The following GABRG3 variants were observed in gnomAD, a reference collection of about 807,000 sequenced individuals.
GABRG3 encodes gamma-aminobutyric acid receptor subunit gamma-3.
GABRG3 carries 25 observed loss-of-function variants against 48.8 expected under a neutral mutation model. The observed-to-expected ratio is 0.51, with a 90% confidence interval of 0.37 to 0.72. The LOEUF is 0.72. GABRG3 is among the 30% of genes least tolerant of loss of function. The probability of loss-of-function intolerance (pLI) is 0.00; values close to 1 mark genes in which losing one functional copy is unlikely to be tolerated. For synonymous variants in GABRG3, 227 were observed against 217.6 expected (o/e 1.04, Z -0.38); for missense variants, 394 against 577.9 (o/e 0.68, Z 3.26).
intron 3 of GABRG3, among the ~76,000 whole-genome samples, chr15:27,133,099 T>G (rs544940635): frequency 6.6e-6 from 1 of 152,134 alleles, no homozygotes; most frequent in African/African-American, 2.4e-5. Context: ...TTTCCACATA[T>G]TTGTGATTTT....
At position 27,160,838 on chromosome 15, in the gene GABRG3, C is replaced by T. The variant is rs541229323; in HGVS notation, c.270+134017C>T. Among the ~76,000 whole-genome samples, 9 of 152,190 alleles carry T rather than the reference C, an allele frequency of 5.9e-5. 1 individual carries two copies. Among genetic ancestry groups the T allele is most frequent in the African/African-American group, 2.2e-4 (9 of 41,522 alleles). ...CTGGTTGGAAGTTCTCTATGGGCCT[C>T]ATATTAGGATGAAAACTGGGAATTT... On this transcript the variant is annotated intron_variant, in intron 3 of 9. Coordinates refer to ENST00000615808, the MANE Select transcript of GABRG3 (RefSeq NM_033223.5).
intron 3 of GABRG3, among the ~76,000 whole-genome samples, chr15:27,309,027 A>G (rs940257114): frequency 2.0e-5 from 3 of 150,282 alleles, no homozygotes; most frequent in Admixed American, 2.0e-4. Context: ...TTATATAGAA[A>G]CATAATGTAA....
intron 3 of GABRG3, among the ~76,000 whole-genome samples, chr15:27,156,733 A>C (rs954231660): frequency 1.6e-4 from 24 of 152,216 alleles, no homozygotes; most frequent in Admixed American, 5.9e-4. Flanking sequence ...TTTTGGTTGA[A>C]GATGAATTTG....
intron 5 of GABRG3, among the ~76,000 whole-genome samples, chr15:27,434,689 C>G (rs1298356842): frequency 2.0e-5 from 3 of 152,180 alleles, no homozygotes; most frequent in Non-Finnish European, 2.9e-5. Context: ...GCCGGTGCCA[C>G]TGGCCATTGA....
chr15:27,069,238 T>C (rs1037589759), intron 3 of GABRG3, among the ~76,000 whole-genome samples: 2 of 152,174 alleles, frequency 1.3e-5, no homozygotes, highest in African/African-American at 4.8e-5. Flanking sequence ...GTTTTATATT[T>C]GTGAATTTTC....
At chr15:27,514,327 G>A (rs976945215) in intron 6 of GABRG3, among the ~76,000 whole-genome samples, 12 of 152,104 alleles carry the variant, frequency 7.9e-5, no homozygotes, top group African/African-American at 2.9e-4. Flanking sequence ...CTTTGTTTAG[G>A]CTCTTAGGGC....
intron 2 of GABRG3, among the ~76,000 whole-genome samples, chr15:27,025,759 AT>A (rs1192280210): frequency 6.6e-6 from 1 of 152,240 alleles, no homozygotes; most frequent in African/African-American, 2.4e-5. Flanking sequence ...AAGGAAGCAC[AT>A]TCACATAATT....
chr15:27,088,309 G>A (rs1378100754), intron 3 of GABRG3, among the ~76,000 whole-genome samples: 1 of 151,034 alleles, frequency 6.6e-6, no homozygotes, highest in Non-Finnish European at 1.5e-5. Flanking sequence ...GGTGGCTAAA[G>A]GTGGGGTCCT....
At chr15:27,381,319 G>A (rs990953550) in intron 5 of GABRG3, among the ~76,000 whole-genome samples, 1 of 152,186 alleles carries the variant, frequency 6.6e-6, no homozygotes, top group African/African-American at 2.4e-5. Context: ...ATTTCAGAAT[G>A]GTTTCTTATT....
Position 27,427,732 on chromosome 15 carries a change from A to G in GABRG3, c.575-52918A>G, listed in dbSNP as rs533449715. Among the ~76,000 whole-genome samples, 3 of 152,328 alleles carry G rather than the reference A, an allele frequency of 2.0e-5. No homozygotes were observed. The South Asian group carries it at 6.2e-4, about 32-fold the overall frequency. On this transcript the variant is annotated intron_variant, in intron 5 of 9. Coordinates refer to ENST00000615808, the MANE Select transcript of GABRG3 (RefSeq NM_033223.5). Reference sequence around the variant, plus strand: ...TGCAGAACAAATTGGAATCAAGCACAGGGATTAAGTAGTTCATTTTTTTCT... The same window carrying G: ...TGCAGAACAAATTGGAATCAAGCACGGGGATTAAGTAGTTCATTTTTTTCT...
At chr15:27,469,287 A>T (rs1265067232) in intron 5 of GABRG3, among the ~76,000 whole-genome samples, 1 of 152,196 alleles carries the variant, frequency 6.6e-6, no homozygotes, top group African/African-American at 2.4e-5. Context: ...GTACCAGTCA[A>T]GATCTACACA....
intron 2 of GABRG3, among the ~76,000 whole-genome samples, chr15:27,012,401 A>G (rs1895705844): frequency 6.6e-6 from 1 of 152,170 alleles, no homozygotes; most frequent in Non-Finnish European, 1.5e-5. Context: ...CATAATGTTC[A>G]TCATTCTTGG....
At chr15:27,168,263 G>A (rs955087825) in intron 3 of GABRG3, among the ~76,000 whole-genome samples, 12 of 152,146 alleles carry the variant, frequency 7.9e-5, no homozygotes, top group Non-Finnish European at 1.5e-4. Context: ...GAAGGTTGAA[G>A]CTCTCATTCA....
intron 2 of GABRG3, among the ~76,000 whole-genome samples, chr15:27,020,976 A>G (rs1289330212): frequency 6.6e-6 from 1 of 152,214 alleles, no homozygotes; most frequent in African/African-American, 2.4e-5. Flanking sequence ...AGACAGTGCT[A>G]GGTAATCGGT....
chr15:27,518,783 A>T (rs191636096), intron 6 of GABRG3, among the ~76,000 whole-genome samples: 23 of 152,314 alleles, frequency 1.5e-4, no homozygotes, highest in Admixed American at 1.4e-3. Flanking sequence ...TGGACCACAT[A>T]AAAGTGTCAC....
At chr15:27,413,115 C>G (rs1378535071) in intron 5 of GABRG3, among the ~76,000 whole-genome samples, 1 of 152,050 alleles carries the variant, frequency 6.6e-6, no homozygotes, top group Non-Finnish European at 1.5e-5. Context: ...TTAGAACAAA[C>G]AGCAAGTAAG....
chr15:27,459,988 G>A (rs771802159), intron 5 of GABRG3, among the ~76,000 whole-genome samples: 3 of 152,122 alleles, frequency 2.0e-5, no homozygotes, highest in Non-Finnish European at 4.4e-5. Flanking sequence ...GTCCCTCTAT[G>A]TCGTAATGGT....
At chr15:27,424,574 A>G (rs113044540) in intron 5 of GABRG3, among the ~76,000 whole-genome samples, 5,899 of 140,366 alleles carry the variant, frequency 0.042, 153 homozygotes, top group Middle Eastern at 0.092. Flanking sequence ...TTTTTTTGAG[A>G]CAGAGTCTCA....
At chr15:27,347,395 C>T (rs1464583041) in intron 5 of GABRG3, among the ~76,000 whole-genome samples, 7 of 152,166 alleles carry the variant, frequency 4.6e-5, no homozygotes. Flanking sequence ...CATAGGTTTT[C>T]CTCCCTTACT....
Sources: allele counts gnomAD v4.1 joint callset (sites outside exome capture counted in the v4.1 genomes callset), GRCh38; gene constraint gnomAD v4.1.1; transcripts MANE v1.5; gene names NCBI Gene and HGNC (gene_info 2026-07-23, HGNC 2026-07-21).